The following CLCN3 variants were observed in gnomAD, a reference collection of about 807,000 sequenced individuals.
The protein encoded by CLCN3 is Cl-/H+ antiporter 3, also known as H(+)/Cl(-) exchange transporter 3.
CLCN3 carries 16 observed loss-of-function variants against 83.4 expected under a neutral mutation model. The ratio of observed to expected loss-of-function variants is 0.19; its 90% CI spans 0.13 to 0.29. CLCN3 has a LOEUF of 0.29. Among genes scored for constraint, CLCN3 ranks in the 10% least tolerant of loss-of-function variants. The pLI, the probability that CLCN3 is intolerant of heterozygous loss-of-function variation, is 1.00. For missense variants in CLCN3, 544 were observed against 1,006.0 expected, an observed-to-expected ratio of 0.54 and a Z score of 6.21; for synonymous variants, 322 against 346.2, an observed-to-expected ratio of 0.93 and a Z score of 0.78.
At position 169,689,085 on chromosome 4, in the gene CLCN3, C is replaced by T. The variant is rs1344678532; in HGVS notation, c.461C>T (p.Thr154Ile). The T allele has an allele frequency of 1.2e-6, 2 of 1,613,142 alleles. No homozygotes were observed. Among genetic ancestry groups the T allele is most frequent in the South Asian group, 1.1e-5 (1 of 90,836 alleles). The part of the protein sequence containing the change: ...GLIDIAADWM[T>I]DLKEGICLSA... ...ATAGACATTGCTGCCGATTGGATGA[C>T]TGACCTAAAGGAGGGCATTTGCCTT... Residue 154 changes from threonine to isoleucine, a missense_variant, in exon 5 of 13, where the codon ACT (threonine) becomes ATT (isoleucine). Transcript: ENST00000513761.
In CLCN3 at chr4:169,679,029, C is replaced by G. The variant is rs1466555800; in HGVS notation, c.161-1021C>G. 3.4e-5 allele frequency among the ~76,000 whole-genome samples: 5 copies of G among 147,468 alleles called. No homozygotes were observed. In the South Asian group the frequency reaches 1.1e-3, roughly 32 times the overall value. On this transcript the variant is annotated intron_variant, in intron 2 of 12. Coordinates refer to ENST00000513761, the MANE Select transcript of CLCN3 (RefSeq NM_001829.4). ...CCCACCTCCCAGACGGGGCGGCTGC[C>G]GGGCGGGGGCGCCCCCCACCTCCCA...
intron 11 of CLCN3, among the ~76,000 whole-genome samples, chr4:169,707,950 A>T (rs774834671): frequency 2.0e-5 from 3 of 152,208 alleles, no homozygotes; most frequent in Non-Finnish European, 4.4e-5. Context: ...TCTTTACCTT[A>T]TAGTCCCGCA....
chr4:169,700,510 CCTTG>C (rs1390432577), intron 9 of CLCN3, among the ~76,000 whole-genome samples: 1 of 152,038 alleles, frequency 6.6e-6, no homozygotes, highest in Non-Finnish European at 1.5e-5. Context: ...CTTTGGGAGG[CCTTG>C]GCCTCCCAGA....
intron 2 of CLCN3, among the ~76,000 whole-genome samples, chr4:169,652,054 A>C (rs1278092407): frequency 6.6e-6 from 1 of 152,220 alleles, no homozygotes; most frequent in Non-Finnish European, 1.5e-5. Context: ...GAATTGTGAC[A>C]TAACACATCA....
intron 1 of CLCN3, among the ~76,000 whole-genome samples, chr4:169,632,518 A>G (rs1773399247): frequency 6.6e-6 from 1 of 151,934 alleles, no homozygotes; most frequent in African/African-American, 2.4e-5. Context: ...TCACGAGGTC[A>G]GGAGATTGAG....
intron 2 of CLCN3, among the ~76,000 whole-genome samples, chr4:169,653,800 C>T (rs1455511883): frequency 6.6e-6 from 1 of 152,002 alleles, no homozygotes; most frequent in East Asian, 1.9e-4. Flanking sequence ...AGAGAGGCAG[C>T]ATGAGAGAGA....
chr4:169,710,607 A>G (rs1211173905), intron 11 of CLCN3, among the ~76,000 whole-genome samples: 1 of 152,192 alleles, frequency 6.6e-6, no homozygotes, highest in Admixed American at 6.5e-5. Flanking sequence ...AGTCAAAGAG[A>G]TTGAATGTTC....
intron 2 of CLCN3, among the ~76,000 whole-genome samples, chr4:169,673,612 C>G (rs1731562968): frequency 6.6e-6 from 1 of 151,036 alleles, no homozygotes; most frequent in Non-Finnish European, 1.5e-5. Context: ...GTCCATATTT[C>G]TTCAGCTCTA....
At chr4:169,702,730 T>C (rs1470121354) in intron 9 of CLCN3, 2 of 188,670 alleles carry the variant, frequency 1.1e-5, no homozygotes, top group East Asian at 1.3e-4. Flanking sequence ...TCACTTGAGG[T>C]CAGGAGTTAG....
At chr4:169,681,002 C>G (rs1312127408) in intron 3 of CLCN3, among the ~76,000 whole-genome samples, 1 of 152,110 alleles carries the variant, frequency 6.6e-6, no homozygotes, top group Non-Finnish European at 1.5e-5. Context: ...ACGTACGCCA[C>G]CATGCCTGGC....
intron 2 of CLCN3, among the ~76,000 whole-genome samples, chr4:169,651,077 G>A (rs1021791798): frequency 1.3e-5 from 2 of 152,050 alleles, no homozygotes; most frequent in African/African-American, 2.4e-5. Flanking sequence ...TCATCAGAAA[G>A]GTCATTGGAA....
intron 9 of CLCN3, among the ~76,000 whole-genome samples, chr4:169,701,630 GGAAAGAA>G (rs1386469148): frequency 6.6e-6 from 1 of 152,144 alleles, no homozygotes; most frequent in African/African-American, 2.4e-5. Flanking sequence ...CCTTCTCAGA[GGAAAGAA>G]TTCTACGGAG....
At position 169,720,126 on chromosome 4, in the gene CLCN3, C is replaced by G. The variant is rs940255229; in HGVS notation, c.*129C>G. 2.1e-6 allele frequency: 3 copies of G among 1,457,310 alleles called. No homozygotes were observed. In the South Asian group the frequency reaches 4.0e-5, roughly 20 times the overall value. 90.3% of individuals were successfully genotyped at this position (1,457,310 alleles called of 1,614,324 possible). On this transcript the variant is annotated 3_prime_UTR_variant, in exon 13 of 13. Coordinates refer to ENST00000513761, the MANE Select transcript of CLCN3 (RefSeq NM_001829.4). ...CAAAAAAAGAAAGGAAATATAAAAG[C>G]CGGGTTTTTGCAACATGGTTTGCAA... is the stretch of plus-strand genomic sequence containing the variant.
In CLCN3 at chr4:169,709,936, C is replaced by CA. The variant is rs528254649; in HGVS notation, c.2149+2682dup. 3.7e-3 allele frequency among the ~76,000 whole-genome samples: 513 copies of CA among 137,384 alleles called. 3 individuals are homozygous for CA. The highest frequency in any genetic ancestry group is 0.01 in the African/African-American group (401 of 38,944). The allele number at this position is 137,384 out of a possible 152,430, so 90.1% of individuals were successfully genotyped here. A position where few individuals can be genotyped will look rare whatever the true frequency, so the allele number is the denominator to read the frequency against. On this transcript the variant is annotated intron_variant, in intron 11 of 12. Transcript: ENST00000513761. Reference sequence around the variant, plus strand: ...AACATAGCAAGACCTTTGTCTCTACCAAAAAAAAAAAATTGTCTGGGTGTG... The same window carrying CA: ...AACATAGCAAGACCTTTGTCTCTACCAAAAAAAAAAAAATTGTCTGGGTGTG...
At chr4:169,669,121 G>A (rs541452359) in intron 2 of CLCN3, among the ~76,000 whole-genome samples, 3 of 152,322 alleles carry the variant, frequency 2.0e-5, no homozygotes, top group African/African-American at 7.2e-5. Context: ...TAAACCTAAT[G>A]TGACGATAAT....
intron 6 of CLCN3, among the ~76,000 whole-genome samples, chr4:169,691,449 G>C (rs1374093713): frequency 6.6e-6 from 1 of 152,064 alleles, no homozygotes; most frequent in African/African-American, 2.4e-5. Flanking sequence ...AAACTTTTGG[G>C]TTTTATTTTT....
intron 2 of CLCN3, among the ~76,000 whole-genome samples, chr4:169,636,346 T>G (rs1042023549): frequency 3.3e-5 from 5 of 152,170 alleles, no homozygotes; most frequent in Non-Finnish European, 7.4e-5. Context: ...GGTAAGCTTT[T>G]AAATATAATG....
At chr4:169,628,994 C>T (rs1773301716) in intron 1 of CLCN3, among the ~76,000 whole-genome samples, 1 of 152,116 alleles carries the variant, frequency 6.6e-6, no homozygotes, top group Non-Finnish European at 1.5e-5. Context: ...CATGTAACAC[C>T]CTGGATGAAT....
At chr4:169,696,813 CTT>C (rs928033309) in intron 8 of CLCN3, among the ~76,000 whole-genome samples, 29 of 130,402 alleles carry the variant, frequency 2.2e-4, no homozygotes, top group Admixed American at 2.2e-4. Context: ...TGTTTGTATT[CTT>C]TTTTTTTTTT....
Sources: allele counts gnomAD v4.1 joint callset (sites outside exome capture counted in the v4.1 genomes callset), GRCh38; gene constraint gnomAD v4.1.1; transcripts MANE v1.5; gene names NCBI Gene and HGNC (gene_info 2026-07-23, HGNC 2026-07-21).